The following CDKL3 variants were observed in gnomAD, a reference collection of about 807,000 sequenced individuals.
CDKL3 encodes cyclin dependent kinase like 3.
A neutral mutation model predicts 69.3 loss-of-function variants in CDKL3; 65 were observed. The observed-to-expected ratio is 0.94, with a 90% CI of 0.77 to 1.15. The LOEUF (loss-of-function observed/expected upper bound fraction) is 1.15. Ranked by LOEUF, CDKL3 falls within the 50% of genes most tolerant of loss-of-function variation. The pLI is 0.00. For missense variants in CDKL3, 652 were observed against 689.2 expected, an observed-to-expected ratio of 0.95 and a Z score of 0.61; for synonymous variants, 202 against 221.6, an observed-to-expected ratio of 0.91 and a Z score of 0.79.
intron 9 of CDKL3, 67 bp downstream of exon 9, chr5:134,308,071 C>T (rs1768367964): frequency 1.1e-5 from 16 of 1,497,376 alleles, no homozygotes; most frequent in Middle Eastern, 1.8e-4. Flanking sequence ...ACTATGAACA[C>T]GATTCTTTGA....
In CDKL3 at chr5:134,316,755, A is replaced by G. The variant is rs980136239; in HGVS notation, c.792+2603T>C. Among the ~76,000 whole-genome samples the G allele has an allele frequency of 2.6e-5, 4 of 152,220 alleles. No individual in the cohort carries two copies. The South Asian group carries it at 6.2e-4, about 24-fold the overall frequency. On this transcript the variant is annotated intron_variant, in intron 6 of 12. Coordinates refer to ENST00000265334, the MANE Select transcript of CDKL3 (RefSeq NM_001113575.2). ...TCACTGAAAACTATCATGTAGTTCC[A>G]TATTTATTAACATTATAGTATCTTT...
At chr5:134,301,276 G>T (rs1437980827) in intron 12 of CDKL3, among the ~76,000 whole-genome samples, 1 of 152,146 alleles carries the variant, frequency 6.6e-6, no homozygotes. Context: ...GGGATTACAG[G>T]TGTGAGCCAC....
chr5:134,346,541 G>GGCTGAGGT (rs1365303254), intron 4 of CDKL3, among the ~76,000 whole-genome samples: 1 of 152,302 alleles, frequency 6.6e-6, no homozygotes, highest in East Asian at 1.9e-4. Context: ...TTGTTGCCCA[G>GGCTGAGGT]GCTGAGGTGC....
At chr5:134,291,221 A>G (rs1383720582) in intron 8 of CDKL3, among the ~76,000 whole-genome samples, 1 of 152,204 alleles carries the variant, frequency 6.6e-6, no homozygotes, top group African/African-American at 2.4e-5. Flanking sequence ...TACCTATTAT[A>G]TATTTTAATA....
downstream of CDKL3, among the ~76,000 whole-genome samples, chr5:134,285,867 T>TA (rs1764837391): frequency 1.3e-5 from 2 of 152,238 alleles, no homozygotes; most frequent in Admixed American, 1.3e-4. Flanking sequence ...CTCATGCCTG[T>TA]AATCCCAGCA....
chr5:134,340,708 T>C (rs559020643), intron 4 of CDKL3, among the ~76,000 whole-genome samples: 1 of 152,188 alleles, frequency 6.6e-6, no homozygotes, highest in East Asian at 1.9e-4. Flanking sequence ...AAAGACTGAA[T>C]TCATGATTTT....
At chr5:134,313,393 T>C (rs917563121) in intron 6 of CDKL3, among the ~76,000 whole-genome samples, 4 of 152,162 alleles carry the variant, frequency 2.6e-5, no homozygotes, top group African/African-American at 7.2e-5. Flanking sequence ...GTAACTTTTA[T>C]TGATGCTTAC....
At chr5:134,293,073 T>A (rs1165827383) in intron 8 of CDKL3, among the ~76,000 whole-genome samples, 6 of 127,042 alleles carry the variant, frequency 4.7e-5, no homozygotes, top group Admixed American at 9.8e-5. Flanking sequence ...CAGGCTGGAG[T>A]GCAATGGCAT....
downstream of CDKL3, chr5:134,298,323 T>C (rs146903182): frequency 1.8e-4 from 184 of 1,045,344 alleles, no homozygotes; most frequent in African/African-American, 3.0e-3. Flanking sequence ...TGACTCGAAG[T>C]TATGTGGCTA....
At position 134,298,525 on chromosome 5, in the gene CDKL3, G is replaced by A; in HGVS notation, c.*126C>T. The A allele has an allele frequency of 6.9e-7, 1 of 1,446,722 alleles. No homozygotes were observed. The highest frequency in any genetic ancestry group is 1.7e-5 in the South Asian group (1 of 59,746). The allele number at this position is 1,446,722 out of a possible 1,614,324, so 89.6% of individuals were successfully genotyped here. A position where few individuals can be genotyped will look rare whatever the true frequency, so the allele number is the denominator to read the frequency against. On this transcript the variant is annotated 3_prime_UTR_variant, in exon 13 of 13. Coordinates refer to ENST00000265334, the MANE Select transcript of CDKL3 (RefSeq NM_001113575.2). ...AGTAAATGTTTTGCTAACAAAAAAAGCTGGATGATGCTCATGCACATGGAT... is the reference window on the plus strand; with the variant it reads ...AGTAAATGTTTTGCTAACAAAAAAAACTGGATGATGCTCATGCACATGGAT...
In CDKL3 at chr5:134,360,110, A is replaced by C. The variant is rs760202435; in HGVS notation, c.166-19T>G. 2.2e-5 allele frequency: 33 copies of C among 1,492,834 alleles called. No individual in the cohort carries two copies. The highest frequency in any genetic ancestry group is 6.3e-6 in the Non-Finnish European group (7 of 1,114,498). 92.5% of individuals were successfully genotyped at this position (1,492,834 alleles called of 1,614,324 possible). On this transcript the variant is annotated intron_variant, in intron 2 of 12. Coordinates refer to ENST00000265334, the MANE Select transcript of CDKL3 (RefSeq NM_001113575.2). ...GAAATTGCTATTGACAAAAGAAACA[A>C]CACAAATTTTTAATTATTTCAAGCC...
Position 134,298,540 on chromosome 5 carries a change from T to G in CDKL3, c.*111A>C. 2 of 1,479,876 alleles carry G rather than the reference T, an allele frequency of 1.4e-6. No individual in the cohort carries two copies. Among genetic ancestry groups the G allele is most frequent in the Middle Eastern group, 2.2e-4 (1 of 4,464 alleles). 91.7% of individuals were successfully genotyped at this position (1,479,876 alleles called of 1,614,324 possible). A position where few individuals can be genotyped will look rare whatever the true frequency, so the allele number is the denominator to read the frequency against. On this transcript the variant is annotated 3_prime_UTR_variant, in exon 13 of 13. Transcript: ENST00000265334. ...AACAAAAAAAGCTGGATGATGCTCA[T>G]GCACATGGATGGCTGTCTTAACAAC... is the stretch of plus-strand genomic sequence containing the variant.
At chr5:134,331,046 T>C (rs1775656274) in intron 4 of CDKL3, among the ~76,000 whole-genome samples, 1 of 152,238 alleles carries the variant, frequency 6.6e-6, no homozygotes. Context: ...GCAGCTGATC[T>C]GGTTGCAACG....
intron 12 of CDKL3, chr5:134,299,862 G>A (rs767418032): frequency 1.5e-6 from 1 of 665,210 alleles, no homozygotes; most frequent in Middle Eastern, 2.7e-4. Flanking sequence ...TGTTTCATAA[G>A]GTACAGGGAA....
At chr5:134,321,175 A>AT (rs760088606) in intron 5 of CDKL3, among the ~76,000 whole-genome samples, 2 of 150,742 alleles carry the variant, frequency 1.3e-5, no homozygotes, top group Non-Finnish European at 1.5e-5. Context: ...TACCTGGCTA[A>AT]TTTTTTTTGT....
At chr5:134,358,561 A>G (rs2149638655) in intron 3 of CDKL3, among the ~76,000 whole-genome samples, 1 of 151,720 alleles carries the variant, frequency 6.6e-6, no homozygotes, top group South Asian at 2.1e-4. Flanking sequence ...TAACACAACT[A>G]TTAATATTCC....
Position 134,349,751 on chromosome 5 carries a change from G to A in CDKL3, c.539+498C>T, listed in dbSNP as rs569606222. ...GAGCTGAGTGAGCGTAGCAGTAGCA[G>A]TAGCCAGCAATGCAGGTACCTAAAG... On this transcript the variant is annotated intron_variant, in intron 4 of 12. Transcript: ENST00000265334. Among the ~76,000 whole-genome samples the A allele has an allele frequency of 2.6e-5, 4 of 152,314 alleles. No individual in the cohort carries two copies. The East Asian group carries it at 7.7e-4, about 29-fold the overall frequency.
intron 4 of CDKL3, among the ~76,000 whole-genome samples, chr5:134,322,310 C>A (rs1773009726): frequency 6.6e-6 from 1 of 152,094 alleles, no homozygotes; most frequent in Non-Finnish European, 1.5e-5. Flanking sequence ...CCACGCCTGG[C>A]CCATTTGTAA....
chr5:134,358,460 G>C (rs757495963), intron 3 of CDKL3, among the ~76,000 whole-genome samples: 9 of 152,210 alleles, frequency 5.9e-5, no homozygotes, highest in Admixed American at 2.0e-4. Context: ...GTCTAATATA[G>C]ACAAGGCTCT....
Sources: allele counts gnomAD v4.1 joint callset (sites outside exome capture counted in the v4.1 genomes callset), GRCh38; gene constraint gnomAD v4.1.1; transcripts MANE v1.5; gene names NCBI Gene and HGNC (gene_info 2026-07-23, HGNC 2026-07-21).